SMARCA1: variants seen among roughly 807,000 people sequenced by gnomAD.
SMARCA1 encodes the protein SNF2 related chromatin remodeling ATPase 1, also known as SWI/SNF-related matrix-associated actin-dependent regulator of chromatin subfamily A member 1.
A neutral mutation model predicts 93.6 loss-of-function variants in SMARCA1; 17 were observed. The ratio of observed to expected loss-of-function variants is 0.18; its 90% confidence interval spans 0.12 to 0.27. The LOEUF (loss-of-function observed/expected upper bound fraction) is 0.27, where lower values mean the gene tolerates loss of function less well. Among genes scored for constraint, SMARCA1 ranks in the 10% least tolerant of loss-of-function variants. SMARCA1 has a pLI of 1.00. For synonymous variants in SMARCA1, 271 were observed against 271.4 expected, an observed-to-expected ratio of 1.00 and a Z score of 0.01; for missense variants, 630 against 819.0, an observed-to-expected ratio of 0.77 and a Z score of 2.82.
In SMARCA1 at chrX:129,508,048, C is replaced by T. The variant is rs143748983; in HGVS notation, c.859G>A (p.Val287Ile). The change falls in exon 7 of 25, where the codon GTT (valine) becomes ATT (isoleucine). Residue 287 changes from valine to isoleucine, a missense_variant. Coordinates refer to ENST00000371121, the MANE Select transcript of SMARCA1 (RefSeq NM_001282874.2). ...TTAATTACCATCTCATAAGAAGTAACGCAAACATCCCACTCTCCTGGCATC... is the reference window on the plus strand; with the variant it reads ...TTAATTACCATCTCATAAGAAGTAATGCAAACATCCCACTCTCCTGGCATC... ...EMMPGEWDVC[V>I]TSYEMVIKEK... is the part of the protein sequence containing the mutation. The T allele has an allele frequency of 5.0e-5, 59 of 1,185,471 alleles. No homozygotes were observed. The highest frequency in any genetic ancestry group is 3.0e-4 in the East Asian group (10 of 33,020).
rs1412892031 is a variant in SMARCA1, at chrX:129,488,835, G to A, written c.2097+102C>T. The A allele has an allele frequency of 1.4e-5, 7 of 510,204 alleles. No individual in the cohort carries two copies. The Admixed American group carries it at 2.2e-4, about 16-fold the overall frequency. 42.0% of individuals were successfully genotyped at this position (510,204 alleles called of 1,213,427 possible). A position where few individuals can be genotyped will look rare whatever the true frequency, so the allele number is the denominator to read the frequency against. On this transcript the variant is annotated intron_variant, in intron 16 of 24. Transcript: ENST00000371121. Reference sequence around the variant, plus strand: ...AGAGAATATGAGCTACCTGAAACATGTAGATAATGCAGATAAACATGTACA... The same window carrying A: ...AGAGAATATGAGCTACCTGAAACATATAGATAATGCAGATAAACATGTACA...
chrX:129,491,872 T>C, intron 14 of SMARCA1, 69 bp downstream of exon 14: 2 of 747,629 alleles, frequency 2.7e-6, no homozygotes, highest in Non-Finnish European at 3.9e-6. Context: ...ATAAATGACC[T>C]TTATGTGTGT....
chrX:129,507,013 A>T (rs778668559), intron 7 of SMARCA1, among the ~76,000 whole-genome samples: 2 of 112,022 alleles, frequency 1.8e-5, no homozygotes, highest in Non-Finnish European at 3.8e-5. Flanking sequence ...AGCACAAAAG[A>T]ATGGTAATCA....
chrX:129,455,936 CTAAGA>C (rs1932602514), intron 23 of SMARCA1, among the ~76,000 whole-genome samples: 2 of 112,068 alleles, frequency 1.8e-5, no homozygotes, highest in Non-Finnish European at 1.9e-5. Context: ...AAAAATCTAG[CTAAGA>C]TAATTGATGA....
chrX:129,519,711 T>C (rs1008952658), intron 1 of SMARCA1, among the ~76,000 whole-genome samples: 61 of 111,658 alleles, frequency 5.5e-4, no homozygotes, highest in African/African-American at 1.9e-3. Flanking sequence ...TGGATGAGAA[T>C]AGAAAACTGC....
intron 5 of SMARCA1, among the ~76,000 whole-genome samples, chrX:129,512,693 C>T (rs1935055337): frequency 8.9e-6 from 1 of 112,193 alleles, no homozygotes. Flanking sequence ...TAAATGTCTG[C>T]TTAAAGCTAT....
chrX:129,500,141 A>C (rs1260084843), intron 9 of SMARCA1, among the ~76,000 whole-genome samples: 3 of 109,651 alleles, frequency 2.7e-5, no homozygotes, highest in African/African-American at 9.9e-5. Flanking sequence ...AAAAAAAAAG[A>C]AGCTGCTGTA....
chrX:129,481,434 A>T (rs1933652950), intron 17 of SMARCA1, among the ~76,000 whole-genome samples: 1 of 112,472 alleles, frequency 8.9e-6, no homozygotes, highest in African/African-American at 3.2e-5. Flanking sequence ...TTGGTGATTG[A>T]GAAGAATCTG....
In SMARCA1 at chrX:129,516,292, G is replaced by A. The variant is rs1750071834; in HGVS notation, c.428+39C>T. 3 of 1,163,152 alleles carry A rather than the reference G, an allele frequency of 2.6e-6. No homozygotes were observed. The East Asian group carries it at 8.9e-5, about 35-fold the overall frequency. On this transcript the variant is annotated intron_variant, in intron 3 of 24. Coordinates refer to ENST00000371121, the MANE Select transcript of SMARCA1 (RefSeq NM_001282874.2). ...GGAGGACAGGAGGAAGAAAAGGTAG[G>A]AGAAAGGAAAGAAAGTAGAGAGAGA...
At chrX:129,515,202 G>C (rs1489129423) in intron 5 of SMARCA1, among the ~76,000 whole-genome samples, 4 of 110,939 alleles carry the variant, frequency 3.6e-5, no homozygotes, top group Non-Finnish European at 7.6e-5. Flanking sequence ...TATGGCCTGT[G>C]AAAGTCTGTG....
At position 129,471,188 on chromosome X, in the gene SMARCA1, A is replaced by G. The variant is rs1273504050; in HGVS notation, c.2565+16T>C. On this transcript the variant is annotated intron_variant, in intron 20 of 24. Transcript: ENST00000371121. ...TTGATTGACTGTAAGTATTACAGCC[A>G]TTGAAAATATTTTACTTGTGTGAGA... The G allele has an allele frequency of 8.5e-7, 1 of 1,172,406 alleles. No homozygotes were observed. The highest frequency in any genetic ancestry group is 2.4e-5 in the Admixed American group (1 of 41,228).
chrX:129,506,333 A>C, intron 7 of SMARCA1, 122 bp from the exon 8 acceptor site: 1 of 526,799 alleles, frequency 1.9e-6, no homozygotes, highest in Non-Finnish European at 3.2e-6. Flanking sequence ...TTTTCTATGG[A>C]AAAATACCCT....
intron 19 of SMARCA1, among the ~76,000 whole-genome samples, chrX:129,479,152 C>T (rs1933527928): frequency 8.9e-6 from 1 of 111,762 alleles, no homozygotes; most frequent in African/African-American, 3.3e-5. Flanking sequence ...TGATTTATTA[C>T]TGAGGTCTAA....
intron 2 of SMARCA1, among the ~76,000 whole-genome samples, chrX:129,516,832 A>C (rs1219113335): frequency 8.9e-6 from 1 of 111,895 alleles, no homozygotes; most frequent in African/African-American, 3.2e-5. Flanking sequence ...ATAATCATAA[A>C]GCAAATCCTC....
intron 20 of SMARCA1, 122 bp from the exon 21 acceptor site, chrX:129,469,027 T>C (rs1173111578): frequency 1.2e-5 from 5 of 402,793 alleles, no homozygotes; most frequent in Non-Finnish European, 2.0e-5. Flanking sequence ...ATGTTTCTCC[T>C]TATAAAATTG....
intron 17 of SMARCA1, among the ~76,000 whole-genome samples, 175 bp from the exon 18 acceptor site, chrX:129,481,360 G>C (rs907763271): frequency 2.7e-5 from 3 of 112,456 alleles, no homozygotes; most frequent in African/African-American, 9.7e-5. Context: ...GGTACACCAA[G>C]TTTAGATGCA....
intron 7 of SMARCA1, among the ~76,000 whole-genome samples, chrX:129,506,532 A>C (rs1025757087): frequency 9.3e-6 from 1 of 107,083 alleles, no homozygotes; most frequent in Non-Finnish European, 1.9e-5. Flanking sequence ...CTAAAAATAC[A>C]AAAAAAAATT....
intron 23 of SMARCA1, among the ~76,000 whole-genome samples, chrX:129,461,798 C>T (rs1282355400): frequency 2.7e-5 from 3 of 111,753 alleles, no homozygotes; most frequent in African/African-American, 9.7e-5. Flanking sequence ...TCATATCCTT[C>T]CTACTTGTTT....
At chrX:129,450,206 T>C (rs897777463) in intron 23 of SMARCA1, among the ~76,000 whole-genome samples, 3 of 111,945 alleles carry the variant, frequency 2.7e-5, no homozygotes, top group South Asian at 3.8e-4. Flanking sequence ...CCAATAGGAC[T>C]GGTGTCCTTG....
Sources: allele counts gnomAD v4.1 joint callset (sites outside exome capture counted in the v4.1 genomes callset), GRCh38; gene constraint gnomAD v4.1.1; transcripts MANE v1.5; gene names NCBI Gene and HGNC (gene_info 2026-07-23, HGNC 2026-07-21).